TIMD4: variants seen among roughly 807,000 people sequenced by gnomAD.
The protein encoded by TIMD4 is T-cell immunoglobulin and mucin domain-containing protein 4.
Under a neutral mutation model 41.2 loss-of-function variants are expected in TIMD4, and 31 were observed. That is an observed-to-expected ratio of 0.75 (90% CI 0.57 to 1.01). The LOEUF (loss-of-function observed/expected upper bound fraction) is 1.01, where lower values mean the gene tolerates loss of function less well. TIMD4 is among the 50% of genes least tolerant of loss of function. The pLI is 0.00. For missense variants in TIMD4, 479 were observed against 472.5 expected (o/e 1.01, Z -0.13); for synonymous variants, 204 against 177.1 (o/e 1.15, Z -1.21).
At chr5:156,934,338 A>C (rs1308701967) in intron 5 of TIMD4, among the ~76,000 whole-genome samples, 3 of 152,156 alleles carry the variant, frequency 2.0e-5, no homozygotes, top group Non-Finnish European at 4.4e-5. Flanking sequence ...TCAACCTCCC[A>C]GGCTCTGGCT....
rs182700455 is a variant in TIMD4, at chr5:156,958,821, G to A, written c.59-4065C>T. ...ATATATGGGGAATGGCTAAACTGGT[G>A]CATATTTATTCCATGGAATTCTATG... On this transcript the variant is annotated intron_variant, in intron 1 of 8. Coordinates refer to ENST00000274532, the MANE Select transcript of TIMD4 (RefSeq NM_138379.3). Among the ~76,000 whole-genome samples, 16 of 152,286 alleles carry A rather than the reference G, an allele frequency of 1.1e-4. No homozygotes were observed. In the East Asian group the frequency reaches 2.7e-3, roughly 26 times the overall value.
At chr5:156,929,298 G>A (rs556127009) in intron 5 of TIMD4, among the ~76,000 whole-genome samples, 2 of 152,256 alleles carry the variant, frequency 1.3e-5, no homozygotes, top group South Asian at 4.2e-4. Flanking sequence ...ACAAAGGCAG[G>A]AGCCTCCCAG....
intron 3 of TIMD4, among the ~76,000 whole-genome samples, chr5:156,951,202 A>G (rs1439168045): frequency 1.3e-5 from 2 of 152,182 alleles, no homozygotes; most frequent in African/African-American, 4.8e-5. Flanking sequence ...TGGTATTCTT[A>G]CAAGAGATTA....
In TIMD4 at chr5:156,919,464, G is replaced by C; in HGVS notation, c.1130C>G (p.Thr377Ser). The C allele has an allele frequency of 6.2e-7, 1 of 1,614,020 alleles. No homozygotes were observed. Among genetic ancestry groups the C allele is most frequent in the Non-Finnish European group, 8.5e-7 (1 of 1,179,914 alleles). The change falls in exon 9 of 9, where the codon ACC becomes AGC. Residue 377 changes from threonine (T) to serine (S), a missense_variant. Transcript: ENST00000274532. ...HGREDEDGLF[T>S]L ...TAACATGCTACTGCGTTGTTAGAGG[G>C]TAAAAAGGCCGTCTTCGTCTTCCCT...
At chr5:156,950,500 T>A (rs1038945344) in intron 3 of TIMD4, among the ~76,000 whole-genome samples, 18 of 152,228 alleles carry the variant, frequency 1.2e-4, no homozygotes, top group African/African-American at 3.9e-4. Context: ...TTTGTAAAGC[T>A]ATTGGAATTT....
chr5:156,922,035 C>A, intron 7 of TIMD4, 64 bp downstream of exon 7: 1 of 1,318,304 alleles, frequency 7.6e-7, no homozygotes, highest in South Asian at 1.3e-5. Flanking sequence ...GTGGAGACAA[C>A]TCCAGATCCT....
intron 1 of TIMD4, among the ~76,000 whole-genome samples, chr5:156,961,764 G>A (rs1217150918): frequency 8.1e-6 from 1 of 122,714 alleles, no homozygotes; most frequent in African/African-American, 3.1e-5. Context: ...GATAGAGATA[G>A]TGCCACTGCA....
At chr5:156,924,160 G>A in intron 6 of TIMD4, 2 of 426,172 alleles carry the variant, frequency 4.7e-6, no homozygotes. Flanking sequence ...TGACCAGCCT[G>A]AGCCTACTCA....
intron 5 of TIMD4, among the ~76,000 whole-genome samples, chr5:156,939,593 C>A (rs1190327215): frequency 6.6e-6 from 1 of 152,184 alleles, no homozygotes; most frequent in Non-Finnish European, 1.5e-5. Flanking sequence ...GCCTGTTAGA[C>A]ACTTCTGAGG....
intron 2 of TIMD4, among the ~76,000 whole-genome samples, chr5:156,953,229 A>C (rs2113387230): frequency 6.6e-6 from 1 of 152,358 alleles, no homozygotes; most frequent in Middle Eastern, 3.4e-3. Context: ...TCTCTTCTGC[A>C]AAATTGGAAT....
At chr5:156,931,422 GCTTTGTA>G (rs1759443052) in intron 5 of TIMD4, among the ~76,000 whole-genome samples, 7 of 152,118 alleles carry the variant, frequency 4.6e-5, no homozygotes, top group African/African-American at 1.7e-4. Context: ...TTTTTTGCAT[GCTTTGTA>G]CTTTTTCCAT....
chr5:156,920,484 A>G lies in TIMD4; in HGVS notation c.1032T>C (p.Tyr344=), dbSNP rs554640687. 3.0e-4 allele frequency: 490 copies of G among 1,614,080 alleles called. 3 individuals are homozygous for G. In the South Asian group the frequency reaches 5.0e-3, roughly 16 times the overall value. The change falls in exon 8 of 9, where the codon TAT becomes TAC. Residue 344 remains tyrosine, a synonymous_variant. Coordinates refer to ENST00000274532, the MANE Select transcript of TIMD4 (RefSeq NM_138379.3). ...ATTACCTTGTGTGTTTCTGCGAACA[A>G]TAGGTTTCCATGAGTTTCCCTGAAA... ...FLLRGKLMET[Y]CSQKHTRLDY... is the part of the protein sequence containing the mutation.
rs1759250237 is a variant in TIMD4 at position 156,921,983 on chromosome 5, G to A, written c.1012+116C>T. On this transcript the variant is annotated intron_variant, in intron 7 of 8. Coordinates refer to ENST00000274532, the MANE Select transcript of TIMD4 (RefSeq NM_138379.3). ...CTTCCCTGGCTGGGATGGGAACAAT[G>A]GCAGAACTGAGCCTCTTTGGGGAGG... is the stretch of plus-strand genomic sequence containing the variant. The A allele has an allele frequency of 5.5e-6, 4 of 730,562 alleles. No homozygotes were observed. The East Asian group carries it at 1.1e-4, about 21-fold the overall frequency. 45.3% of individuals were successfully genotyped at this position (730,562 alleles called of 1,614,324 possible).
intron 3 of TIMD4, 23 bp from the exon 4 acceptor site, chr5:156,949,754 A>G: frequency 1.3e-6 from 2 of 1,508,826 alleles, no homozygotes; most frequent in African/African-American, 1.4e-5. Context: ...AAAGTTGGAT[A>G]AAAGGCAGCT....
At chr5:156,929,467 A>G (rs72805129) in intron 5 of TIMD4, among the ~76,000 whole-genome samples, 38,016 of 152,156 alleles carry the variant, frequency 0.25, 4,940 homozygotes, top group Admixed American at 0.34. Context: ...CTCTTGAGAC[A>G]AAATCATTCT....
rs749499408 is a variant in TIMD4 at position 156,954,681 on chromosome 5, C to A, written c.134G>T (p.Trp45Leu). 3.1e-6 allele frequency: 5 copies of A among 1,614,142 alleles called. No individual in the cohort carries two copies. Among genetic ancestry groups the A allele is most frequent in the Non-Finnish European group, 4.2e-6 (5 of 1,180,020 alleles). Residue 45 changes from tryptophan (W) to leucine (L), a missense_variant, in exon 2 of 9, where the codon TGG becomes TTG. Trp to Leu is a moderately conservative substitution (Grantham distance 61). Transcript: ENST00000274532. The part of the protein sequence containing the change: ...RVTLPCLYSS[W>L]SHNSNSMCWG... ...GCACATGCTGTTGCTGTTGTGAGACCAGGATGAGTACAGACAGGGCAAAGT... is the reference window on the plus strand; with the variant it reads ...GCACATGCTGTTGCTGTTGTGAGACAAGGATGAGTACAGACAGGGCAAAGT...
intron 1 of TIMD4, among the ~76,000 whole-genome samples, chr5:156,960,424 T>TTTTTTG (rs1760058013): frequency 7.2e-6 from 1 of 139,296 alleles, no homozygotes. Context: ...TTTTTTTTTT[T>TTTTTTG]CAGAAAGAGT....
chr5:156,930,758 A>G (rs1161929398), intron 5 of TIMD4, among the ~76,000 whole-genome samples: 1 of 152,266 alleles, frequency 6.6e-6, no homozygotes, highest in Non-Finnish European at 1.5e-5. Context: ...ATTATTTTTC[A>G]TCAGAACACA....
At chr5:156,950,545 A>G (rs1759833277) in intron 3 of TIMD4, among the ~76,000 whole-genome samples, 1 of 152,234 alleles carries the variant, frequency 6.6e-6, no homozygotes, top group Non-Finnish European at 1.5e-5. Context: ...AATATCTAAG[A>G]AAGCCTTCAA....
Sources: gnomAD v4.1 joint callset for allele counts (sites outside exome capture counted in the v4.1 genomes callset) on GRCh38, gnomAD v4.1.1 for gene constraint, MANE v1.5 for transcripts, NCBI Gene and HGNC (gene_info 2026-07-23, HGNC 2026-07-21) for gene names.